Variants in CNTN5 observed in about 807,000 individuals in gnomAD.
CNTN5 encodes contactin-5.
CNTN5 carries 77 observed loss-of-function variants against 129.1 expected under a neutral mutation model. The ratio of observed to expected loss-of-function variants is 0.60; its 90% CI spans 0.50 to 0.72. The LOEUF (loss-of-function observed/expected upper bound fraction) is 0.72, where lower values mean the gene tolerates loss of function less well. Ranked by LOEUF, CNTN5 falls within the 30% of genes least tolerant of loss-of-function variation. The pLI is 0.00. For synonymous variants in CNTN5, 509 were observed against 465.6 expected (o/e 1.09, Z -1.20); for missense variants, 1,478 against 1,328.8 (o/e 1.11, Z -1.75).
At chr11:99,995,231 A>C (rs760707130) in intron 8 of CNTN5, among the ~76,000 whole-genome samples, 3 of 152,056 alleles carry the variant, frequency 2.0e-5, no homozygotes, top group Non-Finnish European at 2.9e-5. Flanking sequence ...TCTGTCAGAG[A>C]TGGTACAGAC....
intron 3 of CNTN5, among the ~76,000 whole-genome samples, chr11:99,810,759 C>G (rs1302047135): frequency 6.6e-6 from 1 of 152,112 alleles, no homozygotes; most frequent in Non-Finnish European, 1.5e-5. Context: ...AACATTAATT[C>G]TCATCAAAGA....
intron 1 of CNTN5, among the ~76,000 whole-genome samples, chr11:99,266,097 T>C (rs1489543280): frequency 6.6e-6 from 1 of 151,962 alleles, no homozygotes; most frequent in African/African-American, 2.4e-5. Context: ...AGAAAGGAAA[T>C]GGTGTTTGAT....
chr11:99,508,703 G>T (rs899009696), intron 2 of CNTN5, among the ~76,000 whole-genome samples: 2 of 129,358 alleles, frequency 1.5e-5, no homozygotes, highest in African/African-American at 5.9e-5. Flanking sequence ...TTTTGACACG[G>T]AATTTTGTTC....
chr11:99,787,493 C>A (rs1945575452), intron 3 of CNTN5, among the ~76,000 whole-genome samples: 3 of 123,456 alleles, frequency 2.4e-5, no homozygotes, highest in African/African-American at 3.1e-5. Flanking sequence ...GCTTTAGTTG[C>A]AAAGAGAAAA....
chr11:99,919,554 TC>T (rs758156489), intron 7 of CNTN5, among the ~76,000 whole-genome samples: 243 of 152,230 alleles, frequency 1.6e-3, no homozygotes, highest in Non-Finnish European at 2.7e-3. Context: ...TTCTCTCTCT[TC>T]CCCCTATTTT....
intron 12 of CNTN5, among the ~76,000 whole-genome samples, chr11:100,073,356 G>A (rs918537832): frequency 6.6e-6 from 1 of 151,682 alleles, no homozygotes; most frequent in Non-Finnish European, 1.5e-5. Context: ...TAATTTCTTT[G>A]GTTTTAAAAA....
chr11:99,274,618 A>T (rs1863337281), intron 1 of CNTN5, among the ~76,000 whole-genome samples: 1 of 151,522 alleles, frequency 6.6e-6, no homozygotes, highest in Admixed American at 6.6e-5. Context: ...CCTCATCTTG[A>T]GATTAGTATA....
chr11:99,163,370 A>C (rs1860711558), intron 1 of CNTN5, among the ~76,000 whole-genome samples: 1 of 150,012 alleles, frequency 6.7e-6, no homozygotes, highest in South Asian at 2.1e-4. Context: ...GATACTAGTA[A>C]ATAAGATTTG....
At chr11:99,575,689 G>A (rs944976067) in intron 3 of CNTN5, among the ~76,000 whole-genome samples, 2 of 152,272 alleles carry the variant, frequency 1.3e-5, no homozygotes, top group Middle Eastern at 6.8e-3. Flanking sequence ...AAGAGCAAAG[G>A]TTCATGAACC....
chr11:99,791,519 A>G (rs2135436611), intron 3 of CNTN5, among the ~76,000 whole-genome samples: 1 of 152,022 alleles, frequency 6.6e-6, no homozygotes, highest in South Asian at 2.1e-4. Context: ...TATTTATAAC[A>G]GTAGCATGCT....
chr11:100,148,446 C>T (rs746740164), intron 13 of CNTN5, among the ~76,000 whole-genome samples: 1 of 152,174 alleles, frequency 6.6e-6, no homozygotes, highest in Non-Finnish European at 1.5e-5. Flanking sequence ...CCTGCCCTTC[C>T]AAGCTTTAAC....
chr11:100,123,471 C>A (rs565040867), intron 13 of CNTN5, among the ~76,000 whole-genome samples: 4 of 151,924 alleles, frequency 2.6e-5, no homozygotes, highest in Non-Finnish European at 4.4e-5. Context: ...TAGTTTAAAC[C>A]TTTTGATGTC....
chr11:99,638,414 G>T (rs550365784), intron 3 of CNTN5, among the ~76,000 whole-genome samples: 1 of 152,130 alleles, frequency 6.6e-6, no homozygotes, highest in East Asian at 1.9e-4. Flanking sequence ...ATGTCCTTGC[G>T]TTTCAAAACC....
At chr11:99,910,420 C>A (rs1020974478) in intron 6 of CNTN5, among the ~76,000 whole-genome samples, 1 of 152,008 alleles carries the variant, frequency 6.6e-6, no homozygotes, top group African/African-American at 2.4e-5. Flanking sequence ...TTAGAGAATG[C>A]TAATTTAATT....
rs185685703 is a variant in CNTN5 at position 99,914,357 on chromosome 11, T to G, written c.578-1697T>G. On this transcript the variant is annotated intron_variant, in intron 6 of 24. Coordinates refer to ENST00000524871, the MANE Select transcript of CNTN5 (RefSeq NM_014361.4). Reference sequence around the variant, plus strand: ...ATGCTTTGATTTCATATTAAGATCATTTTTTGGAAAAAAAAGCCTCTAAGA... The same window carrying G: ...ATGCTTTGATTTCATATTAAGATCAGTTTTTGGAAAAAAAAGCCTCTAAGA... 8.6e-3 allele frequency among the ~76,000 whole-genome samples: 1,304 copies of G among 151,056 alleles called. 15 individuals are homozygous for G. Among genetic ancestry groups the G allele is most frequent in the Non-Finnish European group, 0.012 (847 of 67,972 alleles).
At chr11:99,295,941 C>G (rs574109850) in intron 1 of CNTN5, among the ~76,000 whole-genome samples, 58 of 147,516 alleles carry the variant, frequency 3.9e-4, no homozygotes, top group Middle Eastern at 3.5e-3. Flanking sequence ...GTACGTACTA[C>G]TAAAGTTTCT....
chr11:100,193,350 A>G (rs899552183), intron 14 of CNTN5, 138 bp from the exon 15 acceptor site: 29 of 519,596 alleles, frequency 5.6e-5, no homozygotes, highest in Non-Finnish European at 9.5e-5. Flanking sequence ...GCTAATAAAG[A>G]TGTAAAAAAG....
intron 3 of CNTN5, 156 bp from the exon 4 acceptor site, chr11:99,819,388 T>C: frequency 1.7e-6 from 1 of 573,270 alleles, no homozygotes; most frequent in Non-Finnish European, 2.9e-6. Context: ...TTAAAAAATA[T>C]AAAAGTAACA....
intron 3 of CNTN5, among the ~76,000 whole-genome samples, chr11:99,794,019 A>G (rs892757110): frequency 2.0e-5 from 3 of 152,116 alleles, no homozygotes. Flanking sequence ...GGTGTGTTGT[A>G]GTCTTCCATT....
Sources: allele counts gnomAD v4.1 joint callset (sites outside exome capture counted in the v4.1 genomes callset), GRCh38; gene constraint gnomAD v4.1.1; transcripts MANE v1.5; gene names NCBI Gene and HGNC (gene_info 2026-07-23, HGNC 2026-07-21).